Variants in C1orf21 observed in about 807,000 individuals in gnomAD.
C1orf21 encodes the protein uncharacterized protein C1orf21.
Under a neutral mutation model 18.7 loss-of-function variants are expected in C1orf21, and 3 were observed. The ratio of observed to expected loss-of-function variants is 0.16; its 90% CI spans 0.07 to 0.42. The LOEUF (loss-of-function observed/expected upper bound fraction) is 0.42, where lower values mean the gene tolerates loss of function less well. Ranked by LOEUF, C1orf21 falls within the 10% of genes least tolerant of loss-of-function variation. C1orf21 has a pLI of 0.99. For missense variants in C1orf21, 104 were observed against 143.6 expected, an observed-to-expected ratio of 0.72 and a Z score of 1.41; for synonymous variants, 41 against 46.4, an observed-to-expected ratio of 0.88 and a Z score of 0.47.
chr1:184,471,820 T>A (rs1379412816), intron 1 of C1orf21, among the ~76,000 whole-genome samples: 1 of 152,204 alleles, frequency 6.6e-6, no homozygotes, highest in Non-Finnish European at 1.5e-5. Flanking sequence ...AATAGCATAT[T>A]GTCGATTGTC....
intron 1 of C1orf21, among the ~76,000 whole-genome samples, chr1:184,450,925 T>C (rs1426538381): frequency 6.6e-6 from 1 of 152,260 alleles, no homozygotes; most frequent in Non-Finnish European, 1.5e-5. Context: ...TCGCCCAGGC[T>C]GGAGTGCAGT....
At chr1:184,473,362 T>C (rs1213754747) in intron 1 of C1orf21, among the ~76,000 whole-genome samples, 1 of 152,068 alleles carries the variant, frequency 6.6e-6, no homozygotes, top group African/African-American at 2.4e-5. Flanking sequence ...GTTTGCACCA[T>C]CAGACTTACC....
intron 1 of C1orf21, among the ~76,000 whole-genome samples, chr1:184,418,005 G>C (rs1656484392): frequency 6.6e-6 from 1 of 152,126 alleles, no homozygotes; most frequent in Non-Finnish European, 1.5e-5. Context: ...GCCTCTGAGT[G>C]GGCATTCCCA....
At chr1:184,448,762 G>A (rs1430096630) in intron 1 of C1orf21, among the ~76,000 whole-genome samples, 1 of 152,144 alleles carries the variant, frequency 6.6e-6, no homozygotes, top group East Asian at 1.9e-4. Context: ...GAAAGGAAAG[G>A]TGTGAAGAGA....
chr1:184,541,547 G>C (rs1465587674), intron 3 of C1orf21, among the ~76,000 whole-genome samples: 1 of 152,180 alleles, frequency 6.6e-6, no homozygotes, highest in East Asian at 1.9e-4. Context: ...TATATATCTT[G>C]TGCTCAGACC....
At chr1:184,415,717 T>C (rs12129504) in intron 1 of C1orf21, among the ~76,000 whole-genome samples, 10,768 of 152,230 alleles carry the variant, frequency 0.071, 522 homozygotes, top group African/African-American at 0.14. Flanking sequence ...AGCAACACCT[T>C]ATTTCCAAGT....
chr1:184,530,851 CCTTTT>C (rs1435365880), intron 3 of C1orf21, among the ~76,000 whole-genome samples: 1 of 152,004 alleles, frequency 6.6e-6, no homozygotes, highest in Non-Finnish European at 1.5e-5. Flanking sequence ...AGAGATTGCC[CCTTTT>C]CTTCTGGTAT....
chr1:184,581,720 T>A (rs537614222), intron 3 of C1orf21, among the ~76,000 whole-genome samples: 13 of 152,360 alleles, frequency 8.5e-5, no homozygotes, highest in African/African-American at 3.1e-4. Flanking sequence ...AAATCTGTTC[T>A]GAGCAATTTT....
intron 3 of C1orf21, among the ~76,000 whole-genome samples, chr1:184,522,617 C>T (rs1658320400): frequency 6.6e-6 from 1 of 152,082 alleles, no homozygotes; most frequent in Non-Finnish European, 1.5e-5. Flanking sequence ...ATTTGAGCAA[C>T]AAAATATGTA....
chr1:184,509,015 G>C (rs1476316575), intron 3 of C1orf21, among the ~76,000 whole-genome samples: 1 of 152,120 alleles, frequency 6.6e-6, no homozygotes, highest in East Asian at 1.9e-4. Flanking sequence ...GTTTGTACTT[G>C]CTTGATATAG....
chr1:184,487,052 G>A (rs962362595), intron 2 of C1orf21, among the ~76,000 whole-genome samples: 2 of 152,388 alleles, frequency 1.3e-5, no homozygotes, highest in South Asian at 2.1e-4. Context: ...GATGAGGGAA[G>A]TTCTCAAAAC....
chr1:184,551,207 G>C (rs554294982), intron 3 of C1orf21, among the ~76,000 whole-genome samples: 1 of 152,060 alleles, frequency 6.6e-6, no homozygotes, highest in Admixed American at 6.6e-5. Flanking sequence ...AACTCCAGGC[G>C]AATTATTTAG....
intron 5 of C1orf21, among the ~76,000 whole-genome samples, chr1:184,606,157 A>G (rs1659644858): frequency 6.6e-6 from 1 of 152,266 alleles, no homozygotes; most frequent in Admixed American, 6.5e-5. Flanking sequence ...CTGTGATTAC[A>G]GAATGAGTCA....
rs1659981240 is a variant in C1orf21 at position 184,624,897 on chromosome 1, C to G, written c.*5341C>G. On this transcript the variant is annotated 3_prime_UTR_variant, in exon 6 of 6. Transcript: ENST00000235307. ...GTTAAAGGTGCTGCCTAGACGGGACCCGCTCCCACCTTTACTTACTTTGCT... is the reference window on the plus strand; with the variant it reads ...GTTAAAGGTGCTGCCTAGACGGGACGCGCTCCCACCTTTACTTACTTTGCT... 1 of 152,160 alleles carries G rather than the reference C, an allele frequency of 6.6e-6. No individual in the cohort carries two copies. The highest frequency in any genetic ancestry group is 2.4e-5 in the African/African-American group (1 of 41,430). The allele number at this position is 152,160 out of a possible 1,614,324, so 9.4% of individuals were successfully genotyped here.
At chr1:184,484,098 A>ATT (rs924061408) in intron 2 of C1orf21, among the ~76,000 whole-genome samples, 1 of 148,448 alleles carries the variant, frequency 6.7e-6, no homozygotes, top group Non-Finnish European at 1.5e-5. Flanking sequence ...TAATTTTTGT[A>ATT]TTTTTTTTTT....
chr1:184,518,689 A>G (rs1658264085), intron 3 of C1orf21, among the ~76,000 whole-genome samples: 1 of 152,144 alleles, frequency 6.6e-6, no homozygotes, highest in Non-Finnish European at 1.5e-5. Flanking sequence ...GTGTCCCAGT[A>G]CAACATATCT....
Position 184,567,336 on chromosome 1 carries a change from G to A in C1orf21, c.190-23403G>A, listed in dbSNP as rs1571280855. 1.1e-5 allele frequency: 5 copies of A among 468,428 alleles called. No individual in the cohort carries two copies. In the Admixed American group the frequency reaches 1.2e-4, roughly 11 times the overall value. The allele number at this position is 468,428 out of a possible 1,614,324, so 29.0% of individuals were successfully genotyped here. ...TTGACTTCACCTGACTTCCAGGAAA[G>A]CAGGACCTGTTTCAGCCATCATCAG... On this transcript the variant is annotated intron_variant, in intron 3 of 5. Transcript: ENST00000235307.
At chr1:184,565,212 C>A (rs1408428580) in intron 3 of C1orf21, among the ~76,000 whole-genome samples, 1 of 152,188 alleles carries the variant, frequency 6.6e-6, no homozygotes, top group Non-Finnish European at 1.5e-5. Context: ...TAGAACAGAA[C>A]AATATTGTAT....
At chr1:184,479,459 A>G (rs1657619923) in intron 2 of C1orf21, among the ~76,000 whole-genome samples, 1 of 152,130 alleles carries the variant, frequency 6.6e-6, no homozygotes, top group Non-Finnish European at 1.5e-5. Context: ...AATATGTGCT[A>G]CGCAAATTTT....
Sources: gnomAD v4.1 joint callset for allele counts (sites outside exome capture counted in the v4.1 genomes callset) on GRCh38, gnomAD v4.1.1 for gene constraint, MANE v1.5 for transcripts, NCBI Gene and HGNC (gene_info 2026-07-23, HGNC 2026-07-21) for gene names.